NUP214: variants seen among roughly 807,000 people sequenced by gnomAD.
NUP214 encodes nucleoporin 214.
In NUP214, 79 loss-of-function variants were observed where a neutral mutation model predicts 196.2. The observed-to-expected ratio is 0.40, with a 90% CI of 0.34 to 0.49. The LOEUF (loss-of-function observed/expected upper bound fraction) is 0.49. Among genes scored for constraint, NUP214 ranks in the 20% least tolerant of loss-of-function variants. The pLI is 0.58. For synonymous variants in NUP214, 1,020 were observed against 990.5 expected, an observed-to-expected ratio of 1.03 and a Z score of -0.56; for missense variants, 2,468 against 2,539.0, an observed-to-expected ratio of 0.97 and a Z score of 0.60.
In NUP214 at chr9:131,146,768, A is replaced by G. The variant is rs1339854573; in HGVS notation, c.1945+464A>G. The stretch of plus-strand genomic sequence containing the variant: ...AACATGGCAAAACCCCATCTCTACT[A>G]AAAATACAAAAATTAGCCAGGTGTG... On this transcript the variant is annotated intron_variant, in intron 13 of 35. Coordinates refer to ENST00000359428, the MANE Select transcript of NUP214 (RefSeq NM_005085.4). This position sits in a 1 kb window ranked among gnomAD's most constrained non-coding sequence, Gnocchi z 4.6. 6.6e-6 allele frequency among the ~76,000 whole-genome samples: 1 copy of G among 152,100 alleles called. No individual in the cohort carries two copies. Among genetic ancestry groups the G allele is most frequent in the Non-Finnish European group, 1.5e-5 (1 of 68,014 alleles).
chr9:131,172,361 A>C (rs1238899778), intron 21 of NUP214, among the ~76,000 whole-genome samples: 2 of 152,176 alleles, frequency 1.3e-5, no homozygotes, highest in Non-Finnish European at 2.9e-5. Context: ...TCTTTTGAGA[A>C]GTGTCTGTTC....
intron 30 of NUP214, among the ~76,000 whole-genome samples, chr9:131,209,807 CT>C (rs1245309054): frequency 6.6e-6 from 1 of 152,188 alleles, no homozygotes; most frequent in Non-Finnish European, 1.5e-5. Context: ...TCCTCCCCAA[CT>C]TTGCAAAGAA....
chr9:131,229,928 G>A (rs574599968), intron 33 of NUP214: 78 of 365,526 alleles, frequency 2.1e-4, no homozygotes, highest in Middle Eastern at 9.8e-4. Flanking sequence ...CCACTGATCC[G>A]TTTCCCTCAC....
intron 25 of NUP214, 30 bp from the exon 26 acceptor site, chr9:131,189,023 C>T (rs181501163): frequency 2.0e-6 from 3 of 1,497,494 alleles, no homozygotes; most frequent in Admixed American, 1.7e-5. Context: ...AGTGGTTTAA[C>T]ATAAACATTT....
At chr9:131,203,049 C>T (rs1375598890) in intron 30 of NUP214, among the ~76,000 whole-genome samples, 2 of 151,822 alleles carry the variant, frequency 1.3e-5, no homozygotes, top group Non-Finnish European at 2.9e-5. Flanking sequence ...AGGTTCACGC[C>T]ATTCTCCTGC....
intron 21 of NUP214, among the ~76,000 whole-genome samples, chr9:131,173,583 G>C (rs993660014): frequency 2.0e-5 from 3 of 151,352 alleles, no homozygotes; most frequent in Non-Finnish European, 4.4e-5. Context: ...AGAATCATTA[G>C]ATTTATCTGG....
In NUP214 at chr9:131,222,802, G is replaced by A. The variant is rs1397707770; in HGVS notation, c.5774G>A (p.Ser1925Asn). The A allele has an allele frequency of 1.2e-6, 2 of 1,614,014 alleles. No homozygotes were observed. The highest frequency in any genetic ancestry group is 2.2e-5 in the East Asian group (1 of 44,884). Reference protein sequence around the residue: ...TSNTSNLFGNSGAKTFGGFAS... With the variant: ...TSNTSNLFGNNGAKTFGGFAS... ...GATACCTCTAACCTATTTGGAAACA[G>A]TGGGGCCAAGACATTTGGTGGATTT... The change falls in exon 32 of 36, where the codon AGT becomes AAT. Residue 1925 changes from serine to asparagine, a missense_variant. Transcript: ENST00000359428.
At chr9:131,147,429 GT>G (rs1170020067) in intron 13 of NUP214, 60 bp from the exon 14 acceptor site, 1 of 1,219,908 alleles carries the variant, frequency 8.2e-7, no homozygotes, top group African/African-American at 1.5e-5. Context: ...AAGGACATTT[GT>G]GATAGGAGAA....
At chr9:131,153,330 A>G (rs1279627282) in intron 17 of NUP214, 2 of 151,550 alleles carry the variant, frequency 1.3e-5, no homozygotes, top group African/African-American at 4.9e-5. Flanking sequence ...TTTCTGTCCC[A>G]CACCTGGTCA....
intron 11 of NUP214, among the ~76,000 whole-genome samples, chr9:131,141,138 C>CAAAAAA (rs5900924): frequency 7.5e-6 from 1 of 132,626 alleles, no homozygotes; most frequent in Non-Finnish European, 1.7e-5. Context: ...AATACATCAC[C>CAAAAAA]AAAAAAAAAA....
chr9:131,181,252 G>T (rs1264469644), intron 24 of NUP214, among the ~76,000 whole-genome samples: 10 of 152,168 alleles, frequency 6.6e-5, no homozygotes, highest in Non-Finnish European at 1.0e-4. Context: ...AGTCAGGGGG[G>T]ACCTCTGGTG....
chr9:131,230,741 A>G lies in NUP214; in HGVS notation c.6186A>G (p.Gly2062=). The G allele has an allele frequency of 6.2e-7, 1 of 1,614,044 alleles. No individual in the cohort carries two copies. ...QTSGFGTQSS[G]FSGFGSGTGG... is the part of the protein sequence containing the mutation. Reference sequence around the variant, plus strand: ...CTGGTTTTGGGACCCAGAGTAGCGGATTCTCTGGTTTTGGATCAGGCACAG... The same window carrying G: ...CTGGTTTTGGGACCCAGAGTAGCGGGTTCTCTGGTTTTGGATCAGGCACAG... Residue 2062 remains glycine, a synonymous_variant, in exon 34 of 36, where the codon GGA becomes GGG. Coordinates refer to ENST00000359428, the MANE Select transcript of NUP214 (RefSeq NM_005085.4).
rs751288195 is a variant in NUP214, at chr9:131,144,482, C to T, written c.1497C>T (p.Pro499=). The T allele has an allele frequency of 1.2e-6, 2 of 1,614,124 alleles. No homozygotes were observed. The highest frequency in any genetic ancestry group is 1.7e-6 in the Non-Finnish European group (2 of 1,180,022). ...CATCTGCTACGGTCACTGGGGAGCC[C>T]CCTTCATATTCCAGTGGCTCCGACA... is the stretch of plus-strand genomic sequence containing the variant. ...LKSSATVTGE[P]PSYSSGSDSS... is the part of the protein sequence containing the mutation. Residue 499 remains proline, a synonymous_variant, in exon 12 of 36, where the codon CCC becomes CCT. Transcript: ENST00000359428.
chr9:131,208,776 G>GAAA (rs1564211775), intron 30 of NUP214, among the ~76,000 whole-genome samples: 1 of 151,966 alleles, frequency 6.6e-6, no homozygotes, highest in African/African-American at 2.4e-5. Flanking sequence ...CCAGCACTTT[G>GAAA]GGAGGCTGAG....
intron 30 of NUP214, among the ~76,000 whole-genome samples, chr9:131,203,407 A>C (rs1477600113): frequency 6.6e-6 from 1 of 152,260 alleles, no homozygotes; most frequent in Non-Finnish European, 1.5e-5. Context: ...CATTTAGATC[A>C]TAGTAACCTC....
At chr9:131,199,396 G>A (rs1833885226) in intron 29 of NUP214, among the ~76,000 whole-genome samples, 1 of 152,174 alleles carries the variant, frequency 6.6e-6, no homozygotes, top group Non-Finnish European at 1.5e-5. Flanking sequence ...AAGCCTCAAG[G>A]AGACTGCTCT....
At chr9:131,215,477 A>G in intron 31 of NUP214, 109 bp downstream of exon 31, 1 of 1,225,896 alleles carries the variant, frequency 8.2e-7, no homozygotes, top group Non-Finnish European at 1.1e-6. Flanking sequence ...AAAATCTAGA[A>G]GGCTCATTTA....
intron 11 of NUP214, among the ~76,000 whole-genome samples, chr9:131,143,807 C>T (rs1409347058): frequency 4.0e-5 from 6 of 151,254 alleles, no homozygotes; most frequent in Admixed American, 2.0e-4. Flanking sequence ...TCTCCCTTTG[C>T]GATTGTTTTT....
At chr9:131,233,273 T>C (rs536786816) in intron 35 of NUP214, among the ~76,000 whole-genome samples, 181 bp from the exon 36 acceptor site, 2 of 151,898 alleles carry the variant, frequency 1.3e-5, no homozygotes, top group Admixed American at 1.3e-4. Context: ...GAGACAGAGG[T>C]TGCAGTGAGC....
Sources: allele counts gnomAD v4.1 joint callset (sites outside exome capture counted in the v4.1 genomes callset), GRCh38; gene constraint gnomAD v4.1.1; non-coding constraint Gnocchi (gnomAD v3.1); transcripts MANE v1.5; gene names NCBI Gene and HGNC (gene_info 2026-07-23, HGNC 2026-07-21).